ABCC3: variants seen among roughly 807,000 people sequenced by gnomAD.
ABCC3 encodes ATP-binding cassette sub-family C member 3.
ABCC3 carries 121 observed loss-of-function variants against 165.3 expected under a neutral mutation model. That is an observed-to-expected ratio of 0.73 (90% CI 0.63 to 0.85). The LOEUF is 0.85. Among genes scored for constraint, ABCC3 ranks in the 40% least tolerant of loss-of-function variants. The probability of loss-of-function intolerance (pLI) is 0.00; values close to 1 mark genes in which losing one functional copy is unlikely to be tolerated. For missense variants in ABCC3, 1,869 were observed against 1,964.1 expected (o/e 0.95, Z 0.92); for synonymous variants, 733 against 810.1 (o/e 0.90, Z 1.62).
intron 17 of ABCC3, among the ~76,000 whole-genome samples, chr17:50,671,274 G>GA (rs375512297): frequency 5.4e-5 from 8 of 146,938 alleles, no homozygotes; most frequent in South Asian, 2.2e-4. Context: ...AAAAAAAAAA[G>GA]AAAAAAAAAC....
chr17:50,642,464 C>T (rs1276501515), intron 1 of ABCC3, among the ~76,000 whole-genome samples: 1 of 152,234 alleles, frequency 6.6e-6, no homozygotes, highest in Non-Finnish European at 1.5e-5. Context: ...TGCCACAGAG[C>T]AGGTGTCTGC....
In ABCC3 at chr17:50,651,651, G is replaced by C. The variant is rs112140414; in HGVS notation, c.46-4181G>C. 4.0e-3 allele frequency among the ~76,000 whole-genome samples: 604 copies of C among 152,306 alleles called. 11 individuals carry two copies. Among genetic ancestry groups the C allele is most frequent in the African/African-American group, 0.014 (577 of 41,560 alleles). On this transcript the variant is annotated intron_variant, in intron 1 of 30. Transcript: ENST00000285238. The stretch of plus-strand genomic sequence containing the variant: ...GAGGCGGGAGGATTGCTTGAGCCCA[G>C]GAGGCAGAGGTTGCAGTGAGCCGAG...
chr17:50,672,746 C>T (rs2146626705), intron 17 of ABCC3, among the ~76,000 whole-genome samples: 1 of 152,132 alleles, frequency 6.6e-6, no homozygotes, highest in East Asian at 1.9e-4. Flanking sequence ...GGTGGTCCTG[C>T]AATCAATCCT....
At chr17:50,675,535 G>A (rs1967782757) in intron 20 of ABCC3, 59 bp downstream of exon 20, 1 of 1,583,516 alleles carries the variant, frequency 6.3e-7, no homozygotes, top group Non-Finnish European at 8.6e-7. Context: ...CCCAGGCCCT[G>A]CCAGATGGGG....
At chr17:50,655,404 C>CAA (rs58586394) in intron 1 of ABCC3, among the ~76,000 whole-genome samples, 11,154 of 56,182 alleles carry the variant, frequency 0.2, 2,382 homozygotes, top group Non-Finnish European at 0.28. Flanking sequence ...GACTCTGTCT[C>CAA]AAAAAAAAAA....
In ABCC3 at chr17:50,683,737, A is replaced by G. The variant is rs757004358; in HGVS notation, c.3935A>G (p.His1312Arg). ...CTGGTGCTGAGAGACCTGAGTCTGCATGTGCACGGTGGCGAGAAGGTACGC... is the reference window on the plus strand; with the variant it reads ...CTGGTGCTGAGAGACCTGAGTCTGCGTGTGCACGGTGGCGAGAAGGTACGC... ...LDLVLRDLSL[H>R]VHGGEKVGIV... Residue 1312 changes from histidine (H) to arginine (R), a missense_variant, in exon 27 of 31, where the codon CAT (histidine) becomes CGT (arginine). Transcript: ENST00000285238. The G allele has an allele frequency of 1.7e-5, 28 of 1,606,702 alleles. No individual in the cohort carries two copies. In the Admixed American group the frequency reaches 3.3e-4, roughly 19 times the overall value.
rs1567834908 is a variant in ABCC3 at position 50,673,069 on chromosome 17, GGTGGACTCTCAT to G, written c.2345_2356del (p.Asp782_Val785del). 1 of 1,614,128 alleles carries G rather than the reference GGTGGACTCTCAT, an allele frequency of 6.2e-7. No homozygotes were observed. Among genetic ancestry groups the G allele is most frequent in the Non-Finnish European group, 8.5e-7 (1 of 1,180,030 alleles). ...TCTTGCTGGATGACCCACTGTCCGC[GGTGGACTCTCAT>G]GTGGCCAAGCACATCTTTGACCACG... On this transcript the variant is annotated inframe_deletion, in exon 18 of 31. Coordinates refer to ENST00000285238, the MANE Select transcript of ABCC3 (RefSeq NM_003786.4).
In ABCC3 at chr17:50,669,481, G is replaced by C. The variant is rs1967598959; in HGVS notation, c.2194G>C (p.Asp732His). Residue 732 changes from aspartate (D) to histidine (H), a missense_variant, in exon 17 of 31, where the codon GAC (aspartate) becomes CAC (histidine). Asp to His is a moderately conservative substitution (Grantham distance 81). Coordinates refer to ENST00000285238, the MANE Select transcript of ABCC3 (RefSeq NM_003786.4). ...TCTGGAGGCCTGTGCCTTGCTAGCT[G>C]ACCTGGAGATGCTGCCTGGTGGGGA... ...QTLEACALLA[D>H]LEMLPGGDQT... 1 of 1,614,238 alleles carries C rather than the reference G, an allele frequency of 6.2e-7. No homozygotes were observed. Among genetic ancestry groups the C allele is most frequent in the Non-Finnish European group, 8.5e-7 (1 of 1,180,042 alleles).
chr17:50,655,730 CCT>C lies in ABCC3; in HGVS notation c.46-101_46-100del, dbSNP rs1305493848. The C allele has an allele frequency of 5.5e-6, 6 of 1,083,392 alleles. No individual in the cohort carries two copies. The East Asian group carries it at 1.5e-4, about 28-fold the overall frequency. The allele number at this position is 1,083,392 out of a possible 1,614,324, so 67.1% of individuals were successfully genotyped here. A position where few individuals can be genotyped will look rare whatever the true frequency, so the allele number is the denominator to read the frequency against. On this transcript the variant is annotated intron_variant, in intron 1 of 30. Transcript: ENST00000285238. The stretch of plus-strand genomic sequence containing the variant: ...CTCCTCACCTGTCTTCCACTCCACC[CCT>C]GTCTCTGATGGAACATCTCTCCAGC...
rs1967780668 is a variant in ABCC3, at chr17:50,675,494, C to A, written c.2714+18C>A. On this transcript the variant is annotated intron_variant, in intron 20 of 30. Transcript: ENST00000285238. ...TTTATGAGGTGAGTTCCTGAGAGCTCCCAGCCCTCCCGGAGGCTGTATCAG... is the reference window on the plus strand; with the variant it reads ...TTTATGAGGTGAGTTCCTGAGAGCTACCAGCCCTCCCGGAGGCTGTATCAG... The A allele has an allele frequency of 2.5e-6, 4 of 1,607,486 alleles. No homozygotes were observed. In the South Asian group the frequency reaches 4.4e-5, roughly 18 times the overall value.
chr17:50,655,390 G>A (rs553103285), intron 1 of ABCC3, among the ~76,000 whole-genome samples: 10 of 122,416 alleles, frequency 8.2e-5, no homozygotes, highest in African/African-American at 3.1e-4. Context: ...TGGCAACAGA[G>A]TGAGACTCTG....
chr17:50,687,198 G>C, intron 29 of ABCC3: 1 of 306,038 alleles, frequency 3.3e-6, no homozygotes. Context: ...TTCTTACTAA[G>C]GTGTAAATGG....
chr17:50,684,001 TG>T lies in ABCC3; in HGVS notation c.4008del (p.Phe1337SerfsTer30). 1.2e-6 allele frequency: 2 copies of T among 1,613,268 alleles called. No homozygotes were observed. Among genetic ancestry groups the T allele is most frequent in the South Asian group, 2.2e-5 (2 of 91,012 alleles). On this transcript the variant is annotated frameshift_variant, in exon 28 of 31. Transcript: ENST00000285238. LOFTEE classifies it high-confidence loss of function. ...GAGKSSMTLC[L>X]FRILEAAKGE... ...GGCAAGTCTTCCATGACCCTTTGCCTGTTCCGCATCCTGGAGGCGGCAAAGG... is the reference window on the plus strand; with the variant it reads ...GGCAAGTCTTCCATGACCCTTTGCCTTTCCGCATCCTGGAGGCGGCAAAGG...
In ABCC3 at chr17:50,642,895, C is replaced by T. The variant is rs1253939174; in HGVS notation, c.45+7914C>T. On this transcript the variant is annotated intron_variant, in intron 1 of 30. Coordinates refer to ENST00000285238, the MANE Select transcript of ABCC3 (RefSeq NM_003786.4). The stretch of plus-strand genomic sequence containing the variant: ...GCATCACAAAGCCTGGGTGCCTGTC[C>T]CGGCCACACACTGCTGGGTGTCCTT... Among the ~76,000 whole-genome samples, 3 of 152,210 alleles carry T rather than the reference C, an allele frequency of 2.0e-5. No individual in the cohort carries two copies. The South Asian group carries it at 6.2e-4, about 31-fold the overall frequency.
intron 25 of ABCC3, among the ~76,000 whole-genome samples, chr17:50,678,439 A>G (rs1224271974): frequency 6.6e-6 from 1 of 152,182 alleles, no homozygotes. Context: ...CTTCCCCAAG[A>G]AGCCCATGTT....
At chr17:50,667,196 G>A (rs1485061302) in intron 11 of ABCC3, among the ~76,000 whole-genome samples, 1 of 152,142 alleles carries the variant, frequency 6.6e-6, no homozygotes, top group Non-Finnish European at 1.5e-5. Flanking sequence ...AGTCCAGCCT[G>A]GGCAACACAG....
In ABCC3 at chr17:50,667,775, G is replaced by T. The variant is rs772926004; in HGVS notation, c.1635+18G>T. ...CCTTCCTGGTGAGGCTTGGCACAGG[G>T]CTGGGTCCCTGCCTCCAGGGCTCTG... On this transcript the variant is annotated intron_variant, in intron 12 of 30. Transcript: ENST00000285238. 1 of 1,614,000 alleles carries T rather than the reference G, an allele frequency of 6.2e-7. No homozygotes were observed. The highest frequency in any genetic ancestry group is 1.1e-5 in the South Asian group (1 of 91,064).
chr17:50,659,476 A>G, intron 7 of ABCC3, 108 bp downstream of exon 7: 3 of 1,346,284 alleles, frequency 2.2e-6, no homozygotes, highest in Non-Finnish European at 3.0e-6. Flanking sequence ...TGGCAAGCAG[A>G]GCAGGACCAG....
chr17:50,690,890 C>G (rs893616583), intron 30 of ABCC3, among the ~76,000 whole-genome samples: 5 of 152,206 alleles, frequency 3.3e-5, no homozygotes, highest in African/African-American at 1.2e-4. Flanking sequence ...TGTGTTTGAT[C>G]CCAGAAACTG....
Sources: gnomAD v4.1 joint callset for allele counts (sites outside exome capture counted in the v4.1 genomes callset) on GRCh38, gnomAD v4.1.1 for gene constraint, MANE v1.5 for transcripts, NCBI Gene and HGNC (gene_info 2026-07-23, HGNC 2026-07-21) for gene names.